Variants in FMN1 observed in about 807,000 individuals in gnomAD.
FMN1 encodes formin-1.
In FMN1, 110 loss-of-function variants were observed where a neutral mutation model predicts 132.4. The observed-to-expected ratio is 0.83, with a 90% CI of 0.71 to 0.97. FMN1 has a LOEUF of 0.97. Among genes scored for constraint, FMN1 ranks in the 50% least tolerant of loss-of-function variants. The pLI is 0.00. For synonymous variants in FMN1, 722 were observed against 651.7 expected (o/e 1.11, Z -1.64); for missense variants, 1,792 against 1,705.3 (o/e 1.05, Z -0.90).
chr15:32,956,129 G>T (rs1392240363), intron 9 of FMN1, among the ~76,000 whole-genome samples: 4 of 152,110 alleles, frequency 2.6e-5, no homozygotes, highest in Non-Finnish European at 4.4e-5. Context: ...TGTTCTGGGG[G>T]TTCTAGGATC....
chr15:32,956,518 A>G (rs1290326718), intron 9 of FMN1, among the ~76,000 whole-genome samples: 2 of 152,048 alleles, frequency 1.3e-5, no homozygotes, highest in Non-Finnish European at 2.9e-5. Context: ...AGGAGTCCTT[A>G]AACTGAAGAA....
chr15:33,161,885 T>A (rs1359568102), intron 3 of FMN1, among the ~76,000 whole-genome samples: 1 of 150,428 alleles, frequency 6.6e-6, no homozygotes, highest in Non-Finnish European at 1.5e-5. Flanking sequence ...GCCACTGCAC[T>A]CCAGCCTGGG....
intron 3 of FMN1, among the ~76,000 whole-genome samples, chr15:33,162,571 G>GT (rs1383998989): frequency 6.6e-6 from 1 of 152,144 alleles, no homozygotes; most frequent in Non-Finnish European, 1.5e-5. Flanking sequence ...AGGAAGAAAC[G>GT]TAATACAGGA....
At chr15:33,070,128 C>T (rs1030172270) in intron 5 of FMN1, among the ~76,000 whole-genome samples, 1 of 150,300 alleles carries the variant, frequency 6.7e-6, no homozygotes, top group African/African-American at 2.4e-5. Flanking sequence ...GCCTCGGCCT[C>T]CTGAGTAGCT....
intron 4 of FMN1, among the ~76,000 whole-genome samples, chr15:33,124,005 G>A (rs571443696): frequency 6.6e-6 from 1 of 152,288 alleles, no homozygotes; most frequent in East Asian, 1.9e-4. Context: ...CTAAGACAGT[G>A]TCCCAACTAT....
chr15:33,094,881 G>A (rs928456091), intron 4 of FMN1, among the ~76,000 whole-genome samples: 1 of 152,100 alleles, frequency 6.6e-6, no homozygotes, highest in Non-Finnish European at 1.5e-5. Context: ...AATGGATAGA[G>A]CACCTAGGTA....
chr15:33,083,405 G>A (rs964670382), intron 5 of FMN1, among the ~76,000 whole-genome samples: 7 of 152,172 alleles, frequency 4.6e-5, no homozygotes, highest in Non-Finnish European at 5.9e-5. Context: ...GAGGATGGGA[G>A]GCTGGTTGCC....
chr15:32,785,212 A>ATTTTTTTTT lies in FMN1; in HGVS notation c.4131-8294_4131-8293insAAAAAAAAA. On this transcript the variant is annotated intron_variant, in intron 19 of 20. Transcript: ENST00000616417. ...TGTGTGTGTGTGTGTATATATATATATATATATTTTTTTTTTTTTTTTTTT... is the reference window on the plus strand; with the variant it reads ...TGTGTGTGTGTGTGTATATATATATATTTTTTTTTTATATATTTTTTTTTTTTTTTTTTT... Among the ~76,000 whole-genome samples the ATTTTTTTTT allele has an allele frequency of 7.7e-5, 2 of 25,956 alleles. 1 individual carries two copies. Among genetic ancestry groups the ATTTTTTTTT allele is most frequent in the Non-Finnish European group, 1.6e-4 (2 of 12,326 alleles). The allele number at this position is 25,956 out of a possible 152,430, so 17.0% of individuals were successfully genotyped here.
intron 7 of FMN1, among the ~76,000 whole-genome samples, chr15:32,994,681 A>G (rs1160853066): frequency 6.6e-6 from 1 of 152,190 alleles, no homozygotes; most frequent in Non-Finnish European, 1.5e-5. Flanking sequence ...CAATCAATAC[A>G]TATTGAATGA....
intron 17 of FMN1, among the ~76,000 whole-genome samples, chr15:32,813,387 A>G (rs377651277): frequency 1.6e-4 from 25 of 152,314 alleles, no homozygotes; most frequent in African/African-American, 5.5e-4. Flanking sequence ...TAAATGAAGT[A>G]TATTTACCCA....
chr15:32,832,191 G>A (rs1320105367), intron 17 of FMN1, among the ~76,000 whole-genome samples: 5 of 152,116 alleles, frequency 3.3e-5, no homozygotes, highest in Non-Finnish European at 7.4e-5. Context: ...GCAGCGATTT[G>A]TTATGCAAAT....
At chr15:32,895,822 T>C (rs1177378453) in intron 15 of FMN1, among the ~76,000 whole-genome samples, 1 of 152,184 alleles carries the variant, frequency 6.6e-6, no homozygotes, top group Non-Finnish European at 1.5e-5. Flanking sequence ...AATTTAGTTT[T>C]AAGTCATTTT....
intron 18 of FMN1, among the ~76,000 whole-genome samples, chr15:32,803,120 C>T (rs2057536597): frequency 6.6e-6 from 1 of 152,118 alleles, no homozygotes; most frequent in Non-Finnish European, 1.5e-5. Flanking sequence ...TGTGGCTAGA[C>T]AGGAGGAAAA....
chr15:33,086,521 G>GGAAAA lies in FMN1; in HGVS notation c.2043+2273_2043+2277dup, dbSNP rs538507717. 5.8e-3 allele frequency among the ~76,000 whole-genome samples: 874 copies of GGAAAA among 151,830 alleles called. 10 individuals are homozygous for GGAAAA. Among genetic ancestry groups the GGAAAA allele is most frequent in the African/African-American group, 0.02 (834 of 41,430 alleles). On this transcript the variant is annotated intron_variant, in intron 5 of 20. Coordinates refer to ENST00000616417, the MANE Select transcript of FMN1 (RefSeq NM_001277313.2). The stretch of plus-strand genomic sequence containing the variant: ...TAATCATTTAATTTACAGAGGAAAA[G>GGAAAA]GAAAACCAGAAATACACAGTTTAGC...
chr15:33,078,296 T>C (rs149593446), intron 5 of FMN1, among the ~76,000 whole-genome samples: 13 of 152,340 alleles, frequency 8.5e-5, no homozygotes, highest in African/African-American at 3.1e-4. Context: ...GTGACCATCA[T>C]TATTATGGAG....
chr15:33,162,908 G>A (rs1964951950), intron 3 of FMN1, among the ~76,000 whole-genome samples: 1 of 150,804 alleles, frequency 6.6e-6, no homozygotes, highest in African/African-American at 2.4e-5. Context: ...CCTGAGGTCA[G>A]GAGATTGAGA....
intron 9 of FMN1, among the ~76,000 whole-genome samples, chr15:32,938,119 TGTTTTTTTCACGTA>T (rs993514901): frequency 6.6e-6 from 1 of 152,016 alleles, no homozygotes; most frequent in African/African-American, 2.4e-5. Flanking sequence ...CTGTGTAGCG[TGTTTTTTTCACGTA>T]GAAACACATT....
intron 16 of FMN1, among the ~76,000 whole-genome samples, chr15:32,878,389 G>A (rs1280430398): frequency 6.6e-6 from 1 of 152,172 alleles, no homozygotes; most frequent in African/African-American, 2.4e-5. Flanking sequence ...TGCGGCAGGT[G>A]GAGACAAAGG....
In FMN1 at chr15:33,154,368, C is replaced by T; in HGVS notation, c.547G>A (p.Gly183Arg). 1 of 1,536,162 alleles carries T rather than the reference C, an allele frequency of 6.5e-7. No homozygotes were observed. The highest frequency in any genetic ancestry group is 8.7e-7 in the Non-Finnish European group (1 of 1,146,922). The stretch of plus-strand genomic sequence containing the variant: ...ATCAGAGGAGCTGATTCTCGGCCTC[C>T]ACGCCCTTTTCTTTTGGTCCTCTTC... ...PQKRTKRKGR[G>R]GRESAPLMGK... Residue 183 changes from glycine (G) to arginine (R), a missense_variant, in exon 4 of 21, where the codon GGA becomes AGA. By Grantham distance (125) the Gly-to-Arg change is moderately radical. This residue lies in a region of FMN1 where 638 missense variants were observed against 645.2 expected (regional missense o/e 0.99). Coordinates refer to ENST00000616417, the MANE Select transcript of FMN1 (RefSeq NM_001277313.2).
Sources: gnomAD v4.1 joint callset for allele counts (sites outside exome capture counted in the v4.1 genomes callset) on GRCh38, gnomAD v4.1.1 for gene constraint, gnomAD v4.1.1 regional missense constraint, MANE v1.5 for transcripts, NCBI Gene and HGNC (gene_info 2026-07-23, HGNC 2026-07-21) for gene names.